DLG2: variants seen among roughly 807,000 people sequenced by gnomAD.
The protein encoded by DLG2 is disks large homolog 2.
DLG2 carries 45 observed loss-of-function variants against 132.5 expected under a neutral mutation model. The ratio of observed to expected loss-of-function variants is 0.34; its 90% CI spans 0.27 to 0.44. The LOEUF (loss-of-function observed/expected upper bound fraction) is 0.44. Ranked by LOEUF, DLG2 falls within the 20% of genes least tolerant of loss-of-function variation. DLG2 has a pLI of 1.00. For synonymous variants in DLG2, 424 were observed against 419.6 expected (o/e 1.01, Z -0.13); for missense variants, 1,045 against 1,196.9 (o/e 0.87, Z 1.87).
chr11:84,680,403 A>T (rs2099725820), intron 6 of DLG2, among the ~76,000 whole-genome samples: 1 of 152,128 alleles, frequency 6.6e-6, no homozygotes, highest in South Asian at 2.1e-4. Flanking sequence ...TGCCCCTTGG[A>T]CTAACCAACA....
intron 6 of DLG2, among the ~76,000 whole-genome samples, chr11:84,650,863 G>GTATATATATATATATA (rs1417830252): frequency 8.6e-4 from 79 of 92,126 alleles, no homozygotes; most frequent in South Asian, 2.9e-3. Context: ...GTGTGTGTGT[G>GTATATATATATATATA]TGTGTGTGTG....
chr11:83,783,977 T>G (rs1284822104), intron 18 of DLG2, among the ~76,000 whole-genome samples: 1 of 152,232 alleles, frequency 6.6e-6, no homozygotes, highest in African/African-American at 2.4e-5. Context: ...AGACAAAGAC[T>G]ATGCTTATTA....
At chr11:84,967,195 C>T (rs2154112651) in intron 6 of DLG2, among the ~76,000 whole-genome samples, 1 of 152,144 alleles carries the variant, frequency 6.6e-6, no homozygotes, top group Non-Finnish European at 1.5e-5. Context: ...ATTACAAAAT[C>T]TTGAGCCATA....
intron 7 of DLG2, among the ~76,000 whole-genome samples, chr11:84,430,656 T>G (rs1395651879): frequency 6.6e-6 from 1 of 152,148 alleles, no homozygotes; most frequent in African/African-American, 2.4e-5. Flanking sequence ...CTTCCTTCAC[T>G]TTGGCCATTT....
intron 10 of DLG2, among the ~76,000 whole-genome samples, chr11:84,068,992 G>C (rs770872049): frequency 6.6e-6 from 1 of 152,112 alleles, no homozygotes; most frequent in Non-Finnish European, 1.5e-5. Flanking sequence ...ACTGTCAGTC[G>C]GGTCCAGGAC....
intron 10 of DLG2, among the ~76,000 whole-genome samples, chr11:84,076,058 A>G (rs1196386358): frequency 6.6e-6 from 1 of 152,248 alleles, no homozygotes; most frequent in Non-Finnish European, 1.5e-5. Context: ...TGCTTTCCAG[A>G]AACCTGGTTT....
chr11:84,967,925 G>C (rs1160692320), intron 6 of DLG2, among the ~76,000 whole-genome samples: 2 of 151,990 alleles, frequency 1.3e-5, no homozygotes, highest in Non-Finnish European at 2.9e-5. Flanking sequence ...CTGTTCTTCA[G>C]AATAAGCAAT....
chr11:84,435,319 T>G (rs554259635), intron 7 of DLG2, among the ~76,000 whole-genome samples: 2 of 152,332 alleles, frequency 1.3e-5, no homozygotes, highest in African/African-American at 4.8e-5. Context: ...AAATTAGGTA[T>G]ACAAAATAAA....
chr11:84,911,692 T>A (rs1359571118), intron 6 of DLG2, among the ~76,000 whole-genome samples: 1 of 152,154 alleles, frequency 6.6e-6, no homozygotes, highest in African/African-American at 2.4e-5. Flanking sequence ...TATATATAAA[T>A]CCAAATGTGT....
At chr11:84,875,019 CAAAAAAA>C (rs563276131) in intron 6 of DLG2, among the ~76,000 whole-genome samples, 1 of 59,884 alleles carries the variant, frequency 1.7e-5, no homozygotes, top group Non-Finnish European at 3.7e-5. Context: ...TACTTCATCT[CAAAAAAA>C]AAAAAAAAAA....
At chr11:84,281,359 G>A (rs1460774223) in intron 7 of DLG2, among the ~76,000 whole-genome samples, 2 of 151,920 alleles carry the variant, frequency 1.3e-5, no homozygotes, top group Non-Finnish European at 1.5e-5. Flanking sequence ...AGAAGCCACA[G>A]AATGAAAAGA....
At chr11:83,530,322 T>C (rs1256749270) in intron 21 of DLG2, among the ~76,000 whole-genome samples, 1 of 152,056 alleles carries the variant, frequency 6.6e-6, no homozygotes, top group Admixed American at 6.6e-5. Flanking sequence ...GGGTAAATTA[T>C]TATGTCAATG....
chr11:84,252,213 G>A (rs944225469), intron 7 of DLG2, among the ~76,000 whole-genome samples: 7 of 129,598 alleles, frequency 5.4e-5, no homozygotes, highest in African/African-American at 2.1e-4. Flanking sequence ...GTGCAGTGGT[G>A]CAAACTCGGG....
intron 3 of DLG2, among the ~76,000 whole-genome samples, chr11:85,477,922 C>T (rs777394213): frequency 8.5e-5 from 13 of 152,130 alleles, no homozygotes; most frequent in Non-Finnish European, 1.8e-4. Flanking sequence ...AGGTTCTTAG[C>T]ACACATTAAG....
At chr11:85,285,079 A>G (rs749415254) in intron 4 of DLG2, 141 bp downstream of exon 4, 9 of 650,838 alleles carry the variant, frequency 1.4e-5, no homozygotes, top group Non-Finnish European at 1.9e-5. Context: ...TCATATATGA[A>G]AATTGCATAC....
chr11:83,859,604 C>A (rs1407078604), intron 16 of DLG2, among the ~76,000 whole-genome samples: 1 of 152,092 alleles, frequency 6.6e-6, no homozygotes, highest in African/African-American at 2.4e-5. Context: ...AAAGGCAGAG[C>A]ATAAAAGTTT....
intron 22 of DLG2, among the ~76,000 whole-genome samples, chr11:83,474,875 A>G (rs1184455763): frequency 6.6e-6 from 1 of 152,192 alleles, no homozygotes; most frequent in Non-Finnish European, 1.5e-5. Flanking sequence ...GGAACGTTCT[A>G]AAGGCAAATC....
At chr11:84,824,282 G>GT (rs572010057) in intron 6 of DLG2, among the ~76,000 whole-genome samples, 164 of 152,018 alleles carry the variant, frequency 1.1e-3, no homozygotes, top group African/African-American at 3.8e-3. Context: ...TCTATACTAG[G>GT]TGCTATGGAG....
Position 85,116,896 on chromosome 11 carries a change from T to C in DLG2, c.283-5161A>G, listed in dbSNP as rs11823950. ...GGGGAGAATATCTTTGAAGAGGGGT[T>C]GAGAAGTCTTACATATCACCTACAA... On this transcript the variant is annotated intron_variant, in intron 5 of 27. Transcript: ENST00000376104. 9.7e-3 allele frequency among the ~76,000 whole-genome samples: 1,470 copies of C among 152,096 alleles called. 22 individuals carry two copies. Among genetic ancestry groups the C allele is most frequent in the African/African-American group, 0.032 (1,335 of 41,524 alleles).
Sources: gnomAD v4.1 joint callset for allele counts (sites outside exome capture counted in the v4.1 genomes callset) on GRCh38, gnomAD v4.1.1 for gene constraint, MANE v1.5 for transcripts, NCBI Gene and HGNC (gene_info 2026-07-23, HGNC 2026-07-21) for gene names.